CACNA2D2: variants seen among roughly 807,000 people sequenced by gnomAD.
The protein encoded by CACNA2D2 is calcium voltage-gated channel auxiliary subunit alpha2delta 2, also known as voltage-dependent calcium channel subunit alpha-2/delta-2.
In CACNA2D2, 48 loss-of-function variants were observed where a neutral mutation model predicts 166.4. The observed-to-expected ratio is 0.29, with a 90% CI of 0.23 to 0.37. The LOEUF (loss-of-function observed/expected upper bound fraction) is 0.37, where lower values mean the gene tolerates loss of function less well. Among genes scored for constraint, CACNA2D2 ranks in the 10% least tolerant of loss-of-function variants. CACNA2D2 has a pLI of 1.00. For synonymous variants in CACNA2D2, 561 were observed against 573.7 expected, an observed-to-expected ratio of 0.98 and a Z score of 0.32; for missense variants, 1,122 against 1,433.0, an observed-to-expected ratio of 0.78 and a Z score of 3.50.
chr3:50,367,917 G>T lies in CACNA2D2; in HGVS notation c.2144-15C>A. 1.4e-6 allele frequency: 2 copies of T among 1,479,656 alleles called. No homozygotes were observed. The highest frequency in any genetic ancestry group is 1.9e-6 in the Non-Finnish European group (2 of 1,064,956). 91.7% of individuals were successfully genotyped at this position (1,479,656 alleles called of 1,614,324 possible). On this transcript the variant is annotated splice_polypyrimidine_tract_variant and intron_variant, in intron 24 of 37. Coordinates refer to ENST00000424201, the MANE Select transcript of CACNA2D2 (RefSeq NM_006030.4). This position sits in a 1 kb window ranked among gnomAD's most constrained non-coding sequence, Gnocchi z 6.5. ...GAAGTTGTTGCCTGGAACAGGAGGG[G>T]AGGGGTGGGGGTGGGGGCATCTTCT...
intron 1 of CACNA2D2, among the ~76,000 whole-genome samples, chr3:50,490,781 C>T (rs35829757): frequency 0.11 from 17,468 of 152,228 alleles, 1,323 homozygotes; most frequent in East Asian, 0.32. Flanking sequence ...CTGCCCCCAC[C>T]CCTCCCAGCC....
At chr3:50,445,868 C>T (rs931053041) in intron 2 of CACNA2D2, among the ~76,000 whole-genome samples, 1 of 152,106 alleles carries the variant, frequency 6.6e-6, no homozygotes, top group African/African-American at 2.4e-5. Flanking sequence ...TAGAGGTGCT[C>T]CTGAGCAGGC....
chr3:50,449,130 G>A (rs1708990951), intron 2 of CACNA2D2, among the ~76,000 whole-genome samples: 1 of 152,240 alleles, frequency 6.6e-6, no homozygotes, highest in Non-Finnish European at 1.5e-5. Context: ...GGCTTAGAGA[G>A]GCTTCATCAC....
At position 50,364,513 on chromosome 3, in the gene CACNA2D2, C is replaced by T; in HGVS notation, c.*153G>A. The stretch of plus-strand genomic sequence containing the variant: ...GGCGTCCCGCTTTGGGACTCCCCAT[C>T]CCAAGGCGCAGACCAGACTCTCAGG... On this transcript the variant is annotated 3_prime_UTR_variant, in exon 38 of 38. Coordinates refer to ENST00000424201, the MANE Select transcript of CACNA2D2 (RefSeq NM_006030.4). 1.1e-6 allele frequency: 1 copy of T among 948,958 alleles called. No individual in the cohort carries two copies. Among genetic ancestry groups the T allele is most frequent in the Non-Finnish European group, 1.5e-6 (1 of 659,444 alleles). The allele number at this position is 948,958 out of a possible 1,614,324, so 58.8% of individuals were successfully genotyped here. A position where few individuals can be genotyped will look rare whatever the true frequency, so the allele number is the denominator to read the frequency against.
chr3:50,450,833 C>G (rs1709064504), intron 2 of CACNA2D2, among the ~76,000 whole-genome samples: 1 of 152,200 alleles, frequency 6.6e-6, no homozygotes, highest in Non-Finnish European at 1.5e-5. Context: ...CCCCACCGCA[C>G]CAGCCACACT....
At chr3:50,452,141 G>A (rs1709130304) in intron 2 of CACNA2D2, among the ~76,000 whole-genome samples, 1 of 152,212 alleles carries the variant, frequency 6.6e-6, no homozygotes, top group Non-Finnish European at 1.5e-5. Flanking sequence ...GGTGGAGTGG[G>A]GGTGCACAGA....
chr3:50,415,007 G>A (rs1707202580), intron 3 of CACNA2D2, among the ~76,000 whole-genome samples: 1 of 152,224 alleles, frequency 6.6e-6, no homozygotes, highest in Non-Finnish European at 1.5e-5. Context: ...CCAGCCATGG[G>A]CCCGTCTTTC....
chr3:50,420,768 A>G (rs938338010), intron 3 of CACNA2D2, among the ~76,000 whole-genome samples: 4 of 152,264 alleles, frequency 2.6e-5, no homozygotes, highest in Admixed American at 2.6e-4. Flanking sequence ...CAGCCCATCC[A>G]TGTGTGGCTA....
chr3:50,425,838 G>A (rs1707783468), intron 3 of CACNA2D2, among the ~76,000 whole-genome samples: 1 of 152,144 alleles, frequency 6.6e-6, no homozygotes, highest in South Asian at 2.1e-4. Context: ...TCATCTCCCT[G>A]TCCTGGATTC....
rs1457649057 is a variant in CACNA2D2, at chr3:50,364,205, A to G, written c.*461T>C. On this transcript the variant is annotated 3_prime_UTR_variant, in exon 38 of 38. Coordinates refer to ENST00000424201, the MANE Select transcript of CACNA2D2 (RefSeq NM_006030.4). ...AGAGCCTCTCTCCTGCTAGGATTTA[A>G]GCTGGGAGGCACAGGCTTCAAACTG... 5.9e-6 allele frequency: 1 copy of G among 169,638 alleles called. No individual in the cohort carries two copies. Among genetic ancestry groups the G allele is most frequent in the Non-Finnish European group, 1.3e-5 (1 of 79,710 alleles). The allele number at this position is 169,638 out of a possible 1,614,324, so 10.5% of individuals were successfully genotyped here.
At chr3:50,492,835 G>A (rs1698573402) in intron 1 of CACNA2D2, among the ~76,000 whole-genome samples, 1 of 151,962 alleles carries the variant, frequency 6.6e-6, no homozygotes, top group African/African-American at 2.4e-5. Context: ...TTGCCTGGAG[G>A]AGGTGAGATG....
intron 1 of CACNA2D2, among the ~76,000 whole-genome samples, chr3:50,492,154 G>A (rs893937410): frequency 1.3e-5 from 2 of 152,252 alleles, no homozygotes; most frequent in African/African-American, 4.8e-5. Context: ...ACCCAGCCAA[G>A]TCTGGGCCTT....
chr3:50,444,183 C>G (rs1436102641), intron 2 of CACNA2D2, among the ~76,000 whole-genome samples: 1 of 152,172 alleles, frequency 6.6e-6, no homozygotes, highest in Non-Finnish European at 1.5e-5. Flanking sequence ...ACTGACCTTG[C>G]CCCAAAGCCA....
At position 50,503,229 on chromosome 3, in the gene CACNA2D2, G is replaced by T; in HGVS notation, c.195C>A (p.Pro65=). The change falls in exon 1 of 38, where the codon CCC becomes CCA. Residue 65 remains proline, a synonymous_variant. Coordinates refer to ENST00000424201, the MANE Select transcript of CACNA2D2 (RefSeq NM_006030.4). The part of the protein sequence containing the change: ...AAPGASAYSF[P]QQHTMQHWAR... ...CCGAGGCCACTTACGTGTGCTGCTG[G>T]GGGAAGCTGTAGGCAGAGGCGCCGG... 1 of 1,194,966 alleles carries T rather than the reference G, an allele frequency of 8.4e-7. No individual in the cohort carries two copies. The highest frequency in any genetic ancestry group is 1.0e-6 in the Non-Finnish European group (1 of 963,560). The allele number at this position is 1,194,966 out of a possible 1,614,324, so 74.0% of individuals were successfully genotyped here.
intron 6 of CACNA2D2, 52 bp from the exon 7 acceptor site, chr3:50,381,178 G>C (rs751708830): frequency 3.7e-6 from 6 of 1,601,088 alleles, no homozygotes; most frequent in Non-Finnish European, 5.1e-6. Flanking sequence ...GTGTCCTGTC[G>C]AACCCACCAC....
intron 3 of CACNA2D2, among the ~76,000 whole-genome samples, chr3:50,406,286 TC>T (rs1472393062): frequency 3.3e-5 from 5 of 151,756 alleles, no homozygotes; most frequent in Non-Finnish European, 7.4e-5. Flanking sequence ...TCAATTTGCA[TC>T]TCATTACCCA....
chr3:50,501,949 C>T (rs1009225280), intron 1 of CACNA2D2, among the ~76,000 whole-genome samples: 1 of 152,128 alleles, frequency 6.6e-6, no homozygotes, highest in African/African-American at 2.4e-5. Flanking sequence ...TTGTAATTTG[C>T]CAACTGATCA....
chr3:50,503,854 G>C (rs940209272), upstream of CACNA2D2, among the ~76,000 whole-genome samples: 1 of 151,600 alleles, frequency 6.6e-6, no homozygotes, highest in African/African-American at 2.4e-5. Flanking sequence ...TGCTACCCGA[G>C]CGCCCCGGGT....
chr3:50,400,991 G>A (rs1451481778), intron 3 of CACNA2D2, among the ~76,000 whole-genome samples: 1 of 152,154 alleles, frequency 6.6e-6, no homozygotes, highest in African/African-American at 2.4e-5. Flanking sequence ...ACATCGTAAG[G>A]TTCAAACCTA....
Sources: gnomAD v4.1 joint callset for allele counts (sites outside exome capture counted in the v4.1 genomes callset) on GRCh38, gnomAD v4.1.1 for gene constraint, Gnocchi (gnomAD v3.1) non-coding constraint, MANE v1.5 for transcripts, NCBI Gene and HGNC (gene_info 2026-07-23, HGNC 2026-07-21) for gene names.